SLC30A8: variants seen among roughly 807,000 people sequenced by gnomAD.
SLC30A8 encodes the protein proton-coupled zinc antiporter SLC30A8.
In SLC30A8, 27 loss-of-function variants were observed where a neutral mutation model predicts 36.9. The ratio of observed to expected loss-of-function variants is 0.73; its 90% CI spans 0.54 to 1.01. The LOEUF (loss-of-function observed/expected upper bound fraction) is 1.01, where lower values mean the gene tolerates loss of function less well. SLC30A8 is among the 50% of genes least tolerant of loss of function. SLC30A8 has a pLI of 0.00. For missense variants in SLC30A8, 439 were observed against 452.0 expected (o/e 0.97, Z 0.26); for synonymous variants, 164 against 172.4 (o/e 0.95, Z 0.38).
At chr8:117,015,562 C>T (rs974484643) in intron 1 of SLC30A8, among the ~76,000 whole-genome samples, 5 of 151,228 alleles carry the variant, frequency 3.3e-5, no homozygotes, top group Non-Finnish European at 7.4e-5. Flanking sequence ...AAAAAGAGGG[C>T]GAGGGAGGGC....
intron 1 of SLC30A8, among the ~76,000 whole-genome samples, chr8:117,142,828 T>A (rs972353698): frequency 3.9e-5 from 6 of 152,174 alleles, no homozygotes; most frequent in African/African-American, 1.4e-4. Flanking sequence ...ACTCTTTGTC[T>A]CCCTCTACTA....
At chr8:116,991,454 G>A (rs183828513) in intron 1 of SLC30A8, among the ~76,000 whole-genome samples, 239 of 151,998 alleles carry the variant, frequency 1.6e-3, no homozygotes, top group African/African-American at 5.1e-3. Context: ...ACAGGCACCC[G>A]CCACCACACC....
At chr8:117,029,407 A>G (rs115044987) in intron 1 of SLC30A8, among the ~76,000 whole-genome samples, 1,577 of 152,286 alleles carry the variant, frequency 0.01, 23 homozygotes, top group African/African-American at 0.034. Flanking sequence ...GAGAATTTCA[A>G]TGAGATTGGA....
At chr8:117,003,435 G>C (rs1816079076) in intron 1 of SLC30A8, among the ~76,000 whole-genome samples, 1 of 152,158 alleles carries the variant, frequency 6.6e-6, no homozygotes, top group Non-Finnish European at 1.5e-5. Flanking sequence ...AGTTTCCTCA[G>C]CTTTAAAATG....
intron 1 of SLC30A8, among the ~76,000 whole-genome samples, chr8:116,976,721 A>G (rs1380376039): frequency 6.6e-6 from 1 of 151,776 alleles, no homozygotes; most frequent in Non-Finnish European, 1.5e-5. Context: ...CTGCTGGGGT[A>G]GGGGGGTCTT....
intron 2 of SLC30A8, among the ~76,000 whole-genome samples, chr8:117,057,750 C>G (rs758128579): frequency 1.3e-5 from 2 of 152,070 alleles, no homozygotes; most frequent in Non-Finnish European, 2.9e-5. Flanking sequence ...GGCATATATA[C>G]AACACACTAC....
intron 1 of SLC30A8, among the ~76,000 whole-genome samples, chr8:116,990,808 G>A (rs534983080): frequency 2.0e-5 from 3 of 152,244 alleles, no homozygotes; most frequent in East Asian, 1.9e-4. Context: ...CAGAAACCTC[G>A]TACTATCTTT....
At chr8:117,152,782 C>T (rs1056815940) in intron 2 of SLC30A8, among the ~76,000 whole-genome samples, 162 bp from the exon 3 acceptor site, 1 of 152,154 alleles carries the variant, frequency 6.6e-6, no homozygotes, top group Non-Finnish European at 1.5e-5. Context: ...AATCATATCC[C>T]CTCTCTGAGT....
At chr8:117,155,908 C>G (rs1201220674) in intron 3 of SLC30A8, among the ~76,000 whole-genome samples, 1 of 152,140 alleles carries the variant, frequency 6.6e-6, no homozygotes, top group Non-Finnish European at 1.5e-5. Context: ...ATGTCTATGT[C>G]CAGGTTTCCA....
intron 2 of SLC30A8, among the ~76,000 whole-genome samples, chr8:117,081,854 A>G (rs967578150): frequency 2.6e-5 from 4 of 152,218 alleles, no homozygotes; most frequent in African/African-American, 7.2e-5. Context: ...CAAATAGGCA[A>G]TAATTGCCGA....
chr8:117,101,434 G>A (rs532068101), intron 2 of SLC30A8, among the ~76,000 whole-genome samples: 5 of 152,110 alleles, frequency 3.3e-5, no homozygotes, highest in Non-Finnish European at 7.4e-5. Flanking sequence ...TGGCTCAGAT[G>A]TATTTACATA....
chr8:116,984,758 C>T (rs1815384651), intron 1 of SLC30A8, among the ~76,000 whole-genome samples: 2 of 152,044 alleles, frequency 1.3e-5, no homozygotes, highest in South Asian at 4.1e-4. Context: ...GATACAAGGC[C>T]TTTGTCTGAT....
chr8:117,023,084 A>T (rs1296041537), intron 1 of SLC30A8, among the ~76,000 whole-genome samples: 1 of 152,252 alleles, frequency 6.6e-6, no homozygotes, highest in Non-Finnish European at 1.5e-5. Flanking sequence ...GATACTTCTC[A>T]AAAGAAGACA....
At chr8:117,150,164 A>C (rs1822109251) in intron 2 of SLC30A8, among the ~76,000 whole-genome samples, 1 of 152,236 alleles carries the variant, frequency 6.6e-6, no homozygotes, top group Non-Finnish European at 1.5e-5. Context: ...GTAACAACTC[A>C]ATGGGGTTTT....
In SLC30A8 at chr8:117,011,118, C is replaced by G. The variant is rs953396659; in HGVS notation, c.-265-28101C>G. Among the ~76,000 whole-genome samples, 5 of 152,138 alleles carry G rather than the reference C, an allele frequency of 3.3e-5. No homozygotes were observed. The South Asian group carries it at 6.2e-4, about 19-fold the overall frequency. Reference sequence around the variant, plus strand: ...ATCCTCAGGCTACAGCCCGAGAGAACGAGGGTAACTCATAGGGAGAAATAG... The same window carrying G: ...ATCCTCAGGCTACAGCCCGAGAGAAGGAGGGTAACTCATAGGGAGAAATAG... On this transcript the variant is annotated intron_variant, in intron 1 of 10. Coordinates refer to the SLC30A8 transcript ENST00000427715.
chr8:117,056,459 C>G (rs1817874048), intron 2 of SLC30A8, among the ~76,000 whole-genome samples: 1 of 152,190 alleles, frequency 6.6e-6, no homozygotes, highest in African/African-American at 2.4e-5. Flanking sequence ...TGTTTACCCT[C>G]CCTAAGCAGC....
At chr8:117,054,687 T>C (rs935218734) in intron 2 of SLC30A8, among the ~76,000 whole-genome samples, 1 of 145,226 alleles carries the variant, frequency 6.9e-6, no homozygotes, top group African/African-American at 2.6e-5. Flanking sequence ...CAGAGGTATG[T>C]AGAATATCAT....
At chr8:116,972,588 A>G (rs1814829067) in intron 1 of SLC30A8, among the ~76,000 whole-genome samples, 1 of 152,190 alleles carries the variant, frequency 6.6e-6, no homozygotes, top group African/African-American at 2.4e-5. Context: ...TTTGAGTTTT[A>G]ATTATTATAC....
At chr8:117,099,958 G>T (rs2130854443) in intron 2 of SLC30A8, among the ~76,000 whole-genome samples, 1 of 152,250 alleles carries the variant, frequency 6.6e-6, no homozygotes, top group East Asian at 1.9e-4. Flanking sequence ...TTTAGAGGTT[G>T]AATGACTTTC....
Sources: gnomAD v4.1 joint callset for allele counts (sites outside exome capture counted in the v4.1 genomes callset) on GRCh38, gnomAD v4.1.1 for gene constraint, MANE v1.5 for transcripts, NCBI Gene and HGNC (gene_info 2026-07-23, HGNC 2026-07-21) for gene names.